RUNX2: variants seen among roughly 807,000 people sequenced by gnomAD.
RUNX2 encodes runt-related transcription factor 2.
A neutral mutation model predicts 51.7 loss-of-function variants in RUNX2; 10 were observed. The observed-to-expected ratio is 0.19, with a 90% CI of 0.12 to 0.33. The LOEUF is 0.33. Ranked by LOEUF, RUNX2 falls within the 10% of genes least tolerant of loss-of-function variation. RUNX2 has a pLI of 1.00. For synonymous variants in RUNX2, 276 were observed against 273.6 expected, an observed-to-expected ratio of 1.01 and a Z score of -0.09; for missense variants, 562 against 691.3, an observed-to-expected ratio of 0.81 and a Z score of 2.10.
At chr6:45,377,788 G>A (rs2150338169) in intron 2 of RUNX2, 1 of 152,906 alleles carries the variant, frequency 6.5e-6, no homozygotes, top group African/African-American at 2.4e-5. Flanking sequence ...AGAACCCTTG[G>A]AGGCACTGCT....
At chr6:45,479,353 A>G (rs544849141) in intron 5 of RUNX2, among the ~76,000 whole-genome samples, 28 of 152,306 alleles carry the variant, frequency 1.8e-4, no homozygotes, top group South Asian at 1.0e-3. Flanking sequence ...AGAACTTCCT[A>G]TTGCAAAGAA....
Position 45,422,765 on chromosome 6 carries a change from TGCGGCGGCGGCG to T in RUNX2, c.237_248del (p.Ala86_Ala89del). Reference sequence around the variant, plus strand: ...AGCAGCAGGAGGCGGCGGCGGCGGCTGCGGCGGCGGCGGCGGCTGCGGCGGCGGCAGCTGCAG... The same window carrying T: ...AGCAGCAGGAGGCGGCGGCGGCGGCTGCGGCTGCGGCGGCGGCAGCTGCAG... On this transcript the variant is annotated inframe_deletion, in exon 3 of 9. Transcript: ENST00000647337. 1.5e-6 allele frequency: 2 copies of T among 1,334,618 alleles called. No homozygotes were observed. The highest frequency in any genetic ancestry group is 2.0e-6 in the Non-Finnish European group (2 of 997,724). 82.7% of individuals were successfully genotyped at this position (1,334,618 alleles called of 1,614,324 possible).
chr6:45,478,344 T>G (rs1800015694), intron 5 of RUNX2, among the ~76,000 whole-genome samples: 1 of 152,256 alleles, frequency 6.6e-6, no homozygotes, highest in South Asian at 2.1e-4. Flanking sequence ...TTTACCTGTG[T>G]AGGACATTTT....
At chr6:45,494,690 T>A (rs1380020112) in intron 6 of RUNX2, among the ~76,000 whole-genome samples, 1 of 152,198 alleles carries the variant, frequency 6.6e-6, no homozygotes, top group African/African-American at 2.4e-5. Context: ...GGAGATGCAG[T>A]GTTCTACTGT....
chr6:45,542,253 G>A (rs1046119084), intron 7 of RUNX2, among the ~76,000 whole-genome samples: 2 of 152,156 alleles, frequency 1.3e-5, no homozygotes, highest in Non-Finnish European at 2.9e-5. Flanking sequence ...TAGACCTTGG[G>A]AGGAGGGGCA....
intron 2 of RUNX2, among the ~76,000 whole-genome samples, chr6:45,372,237 T>C (rs1280151907): frequency 6.6e-6 from 1 of 152,210 alleles, no homozygotes; most frequent in Non-Finnish European, 1.5e-5. Flanking sequence ...ATCTCTAAAA[T>C]GGAGATTAAA....
intron 2 of RUNX2, among the ~76,000 whole-genome samples, chr6:45,357,787 C>T (rs1438356256): frequency 6.6e-6 from 1 of 152,056 alleles, no homozygotes; most frequent in African/African-American, 2.4e-5. Context: ...AAAATGAGAA[C>T]CTAAAACTCA....
intron 2 of RUNX2, chr6:45,378,077 T>G (rs942544660): frequency 6.6e-6 from 1 of 151,570 alleles, no homozygotes; most frequent in African/African-American, 2.4e-5. Context: ...TGGCGCGCGC[T>G]CTCCCAGCCC....
At chr6:45,456,539 T>G (rs1013635270) in intron 5 of RUNX2, among the ~76,000 whole-genome samples, 6 of 152,202 alleles carry the variant, frequency 3.9e-5, no homozygotes, top group Admixed American at 6.5e-5. Flanking sequence ...TTTATCTCTG[T>G]TCTGTTTTAT....
Position 45,357,910 on chromosome 6 carries a change from T to C in RUNX2, c.58+29126T>C, listed in dbSNP as rs1793535627. On this transcript the variant is annotated intron_variant, in intron 2 of 8. Coordinates refer to ENST00000647337, the MANE Select transcript of RUNX2 (RefSeq NM_001024630.4). Reference sequence around the variant, plus strand: ...GACTAAGAGTATATATATATATAAATACATTCACAAAAGAACATTTTTAAG... The same window carrying C: ...GACTAAGAGTATATATATATATAAACACATTCACAAAAGAACATTTTTAAG... Among the ~76,000 whole-genome samples the C allele has an allele frequency of 1.3e-5, 2 of 152,208 alleles. 1 individual carries two copies. The highest frequency in any genetic ancestry group is 6.8e-3 in the Middle Eastern group (2 of 294).
intron 2 of RUNX2, 43 bp downstream of exon 2, chr6:45,328,827 T>A (rs767685070): frequency 6.3e-7 from 1 of 1,585,054 alleles, no homozygotes; most frequent in Middle Eastern, 1.7e-4. Context: ...TATGAACCTG[T>A]TAAACATAAA....
intron 5 of RUNX2, among the ~76,000 whole-genome samples, chr6:45,445,581 T>C (rs1798970169): frequency 6.6e-6 from 1 of 152,178 alleles, no homozygotes; most frequent in Non-Finnish European, 1.5e-5. Context: ...CTTAACTTCC[T>C]GACTTTCAGA....
At position 45,485,697 on chromosome 6, in the gene RUNX2, G is replaced by GTATATATATATATATATATATATATA. The variant is rs10677574; in HGVS notation, c.686-6224_686-6223insTATATATATATATATATATATATATA. 2.2e-3 allele frequency among the ~76,000 whole-genome samples: 231 copies of GTATATATATATATATATATATATATA among 103,772 alleles called. 2 individuals are homozygous for GTATATATATATATATATATATATATA. The highest frequency in any genetic ancestry group is 6.7e-3 in the East Asian group (19 of 2,852). 68.1% of individuals were successfully genotyped at this position (103,772 alleles called of 152,430 possible). On this transcript the variant is annotated intron_variant, in intron 5 of 8. Coordinates refer to ENST00000647337, the MANE Select transcript of RUNX2 (RefSeq NM_001024630.4). ...TATGTGTGTGTGTGTGTGTGTGTGTGTATATATATATATATATATACACAT... is the reference window on the plus strand; with the variant it reads ...TATGTGTGTGTGTGTGTGTGTGTGTGTATATATATATATATATATATATATATATATATATATATATATATACACAT...
intron 2 of RUNX2, among the ~76,000 whole-genome samples, chr6:45,380,447 G>T (rs542152534): frequency 1.3e-5 from 2 of 152,350 alleles, no homozygotes; most frequent in East Asian, 3.9e-4. Context: ...CAAAGAGAAA[G>T]TGCATGTATC....
chr6:45,433,122 C>T (rs1346905159), intron 4 of RUNX2, among the ~76,000 whole-genome samples: 1 of 151,994 alleles, frequency 6.6e-6, no homozygotes, highest in African/African-American at 2.4e-5. Flanking sequence ...AGGAACAGGG[C>T]CAAGAAGTTG....
At chr6:45,360,270 A>G (rs1794024693) in intron 2 of RUNX2, among the ~76,000 whole-genome samples, 1 of 152,166 alleles carries the variant, frequency 6.6e-6, no homozygotes, top group African/African-American at 2.4e-5. Context: ...CTACCCTCAC[A>G]GAGTTGTGTG....
At chr6:45,464,918 T>C (rs991963997) in intron 5 of RUNX2, among the ~76,000 whole-genome samples, 2 of 152,200 alleles carry the variant, frequency 1.3e-5, no homozygotes, top group African/African-American at 4.8e-5. Context: ...GTCTGGAACA[T>C]TTATCTATCA....
intron 2 of RUNX2, among the ~76,000 whole-genome samples, chr6:45,414,756 T>C: frequency 1.6e-4 from 2 of 12,366 alleles, no homozygotes; most frequent in South Asian, 0.015. Flanking sequence ...GATCCTGGCT[T>C]TTTTTTTTTT....
At chr6:45,338,231 T>C (rs951959246) in intron 2 of RUNX2, among the ~76,000 whole-genome samples, 7 of 152,080 alleles carry the variant, frequency 4.6e-5, no homozygotes, top group South Asian at 2.1e-4. Context: ...CCTCACATTA[T>C]GGTTCAGCAT....
Sources: allele counts gnomAD v4.1 joint callset (sites outside exome capture counted in the v4.1 genomes callset), GRCh38; gene constraint gnomAD v4.1.1; transcripts MANE v1.5; gene names NCBI Gene and HGNC (gene_info 2026-07-23, HGNC 2026-07-21).